Variants in EYA4 observed in about 807,000 individuals in gnomAD.
EYA4 encodes EYA transcriptional coactivator and phosphatase 4, also known as protein phosphatase EYA4.
Under a neutral mutation model 87.9 loss-of-function variants are expected in EYA4, and 31 were observed. That is an observed-to-expected ratio of 0.35 (90% CI 0.27 to 0.48). The LOEUF is 0.48. Among genes scored for constraint, EYA4 ranks in the 20% least tolerant of loss-of-function variants. The probability of loss-of-function intolerance (pLI) is 0.99; values close to 1 mark genes in which losing one functional copy is unlikely to be tolerated. For missense variants in EYA4, 678 were observed against 761.4 expected (o/e 0.89, Z 1.29); for synonymous variants, 263 against 270.6 (o/e 0.97, Z 0.28).
chr6:133,498,128 T>C (rs1583465103), intron 13 of EYA4, among the ~76,000 whole-genome samples: 1 of 152,338 alleles, frequency 6.6e-6, no homozygotes, highest in Middle Eastern at 3.4e-3. Flanking sequence ...TGTTTGTGCA[T>C]TTGGACTAAA....
intron 3 of EYA4, among the ~76,000 whole-genome samples, chr6:133,409,955 C>G (rs568561743): frequency 6.6e-6 from 1 of 151,844 alleles, no homozygotes; most frequent in Admixed American, 6.6e-5. Context: ...ATGTCCTCCC[C>G]CCATATAAAA....
intron 3 of EYA4, among the ~76,000 whole-genome samples, chr6:133,423,029 T>G (rs1318530412): frequency 6.6e-6 from 1 of 152,158 alleles, no homozygotes; most frequent in African/African-American, 2.4e-5. Flanking sequence ...TCATCTCTAC[T>G]CAGCCTTTTT....
chr6:133,408,879 G>A (rs1321905618), intron 3 of EYA4, among the ~76,000 whole-genome samples: 1 of 152,146 alleles, frequency 6.6e-6, no homozygotes, highest in Non-Finnish European at 1.5e-5. Context: ...ATTTTGATAA[G>A]GCTCATGGAG....
At position 133,530,467 on chromosome 6, in the gene EYA4, C is replaced by T; in HGVS notation, c.*1662C>T. ...AGTATTTTTATGGTGTCTGCACCTG[C>T]AGTTCTGTGTTTAAAATGTCATAAT... On this transcript the variant is annotated 3_prime_UTR_variant, in exon 20 of 20. Transcript: ENST00000355286. 1 of 985,740 alleles carries T rather than the reference C, an allele frequency of 1.0e-6. No individual in the cohort carries two copies. The highest frequency in any genetic ancestry group is 1.1e-4 in the East Asian group (1 of 8,814). 61.1% of individuals were successfully genotyped at this position (985,740 alleles called of 1,614,324 possible). A position where few individuals can be genotyped will look rare whatever the true frequency, so the allele number is the denominator to read the frequency against.
chr6:133,351,384 T>C (rs1301743448), intron 2 of EYA4, among the ~76,000 whole-genome samples: 3 of 152,200 alleles, frequency 2.0e-5, no homozygotes, highest in South Asian at 2.1e-4. Flanking sequence ...TTTCAACCTA[T>C]GTATATGCAG....
chr6:133,480,985 T>A (rs1486424535), intron 11 of EYA4, among the ~76,000 whole-genome samples: 1 of 147,952 alleles, frequency 6.8e-6, no homozygotes, highest in African/African-American at 2.5e-5. Flanking sequence ...ATGGGAGAGG[T>A]GGAAGGGAAG....
chr6:133,456,093 G>C (rs980712554), intron 5 of EYA4, among the ~76,000 whole-genome samples: 10 of 152,012 alleles, frequency 6.6e-5, no homozygotes, highest in Admixed American at 5.9e-4. Context: ...CATTCATTGT[G>C]TGAATGAGCC....
chr6:133,287,048 G>A (rs12196330), intron 2 of EYA4, among the ~76,000 whole-genome samples: 2,000 of 151,624 alleles, frequency 0.013, 26 homozygotes, highest in South Asian at 0.058. Flanking sequence ...TGTGTGTGTC[G>A]GGGGGACCAC....
chr6:133,529,490 A>G lies in EYA4; in HGVS notation c.*685A>G, dbSNP rs371085173. On this transcript the variant is annotated 3_prime_UTR_variant, in exon 20 of 20. Coordinates refer to ENST00000355286, the MANE Select transcript of EYA4 (RefSeq NM_004100.5). ...GACAAGACAGCATTTGTGTGTTACAATGTAACTTTGGTTAAAATCTCTGTA... is the reference window on the plus strand; with the variant it reads ...GACAAGACAGCATTTGTGTGTTACAGTGTAACTTTGGTTAAAATCTCTGTA... The G allele has an allele frequency of 1.0e-5, 10 of 967,734 alleles. No individual in the cohort carries two copies. The East Asian group carries it at 3.4e-4, about 33-fold the overall frequency. 59.9% of individuals were successfully genotyped at this position (967,734 alleles called of 1,614,324 possible).
intron 17 of EYA4, among the ~76,000 whole-genome samples, 183 bp downstream of exon 17, chr6:133,515,618 T>A (rs1013764672): frequency 2.0e-5 from 2 of 102,126 alleles, no homozygotes; most frequent in African/African-American, 1.2e-4. Context: ...AGAGTGTGTG[T>A]GTGAGTGTGT....
At chr6:133,388,780 C>T (rs941269552) in intron 3 of EYA4, among the ~76,000 whole-genome samples, 17 of 152,224 alleles carry the variant, frequency 1.1e-4, no homozygotes. Context: ...TTTCTTCATT[C>T]ATACCGTGTT....
chr6:133,406,017 TCTATCTAC>T (rs991525981), intron 3 of EYA4, among the ~76,000 whole-genome samples: 2 of 92,250 alleles, frequency 2.2e-5, no homozygotes, highest in African/African-American at 3.2e-5. Flanking sequence ...CTATTATCTA[TCTATCTAC>T]CTACCTACCT....
chr6:133,512,610 A>ATGC, intron 14 of EYA4, 111 bp from the exon 15 acceptor site: 1 of 849,320 alleles, frequency 1.2e-6, no homozygotes, highest in Non-Finnish European at 2.0e-6. Context: ...GGACGGGCAC[A>ATGC]TGCTGCCATC....
intron 1 of EYA4, among the ~76,000 whole-genome samples, chr6:133,255,536 G>T (rs974689243): frequency 2.0e-5 from 3 of 152,032 alleles, no homozygotes; most frequent in Non-Finnish European, 2.9e-5. Flanking sequence ...GTAAAAAGTG[G>T]ATTTACTCAT....
chr6:133,292,766 C>A (rs1198305279), intron 2 of EYA4, among the ~76,000 whole-genome samples: 3 of 151,910 alleles, frequency 2.0e-5, no homozygotes, highest in Non-Finnish European at 4.4e-5. Flanking sequence ...ATATTTATAC[C>A]CCCAGAAATT....
chr6:133,463,542 G>T (rs1371950456), intron 9 of EYA4, among the ~76,000 whole-genome samples: 1 of 151,662 alleles, frequency 6.6e-6, no homozygotes, highest in African/African-American at 2.4e-5. Flanking sequence ...TGTATTTTTA[G>T]TAGTGACGGG....
intron 13 of EYA4, among the ~76,000 whole-genome samples, chr6:133,487,099 T>G (rs1300628888): frequency 6.6e-6 from 1 of 152,116 alleles, no homozygotes; most frequent in East Asian, 1.9e-4. Flanking sequence ...GAGAGCTCAG[T>G]GAGTGTAGGT....
intron 13 of EYA4, among the ~76,000 whole-genome samples, chr6:133,498,181 G>A (rs1455810653): frequency 6.6e-6 from 1 of 152,184 alleles, no homozygotes; most frequent in African/African-American, 2.4e-5. Flanking sequence ...AATTAATCAA[G>A]TGTTAGAACC....
chr6:133,315,196 T>G (rs1780531732), intron 2 of EYA4, among the ~76,000 whole-genome samples: 1 of 152,170 alleles, frequency 6.6e-6, no homozygotes, highest in Non-Finnish European at 1.5e-5. Flanking sequence ...TAAATCACTC[T>G]TGGCCTGCAC....
Sources: gnomAD v4.1 joint callset for allele counts (sites outside exome capture counted in the v4.1 genomes callset) on GRCh38, gnomAD v4.1.1 for gene constraint, MANE v1.5 for transcripts, NCBI Gene and HGNC (gene_info 2026-07-23, HGNC 2026-07-21) for gene names.